CYTH1: variants seen among roughly 807,000 people sequenced by gnomAD.
CYTH1 encodes cytohesin-1.
CYTH1 carries 18 observed loss-of-function variants against 61.8 expected under a neutral mutation model. That is an observed-to-expected ratio of 0.29 (90% CI 0.20 to 0.43). The LOEUF (loss-of-function observed/expected upper bound fraction) is 0.43, where lower values mean the gene tolerates loss of function less well. Ranked by LOEUF, CYTH1 falls within the 20% of genes least tolerant of loss-of-function variation. The pLI, the probability that CYTH1 is intolerant of heterozygous loss-of-function variation, is 1.00. For synonymous variants in CYTH1, 174 were observed against 184.3 expected, an observed-to-expected ratio of 0.94 and a Z score of 0.45; for missense variants, 336 against 510.5, an observed-to-expected ratio of 0.66 and a Z score of 3.29.
In CYTH1 at chr17:78,760,384, T is replaced by TATATAC. The variant is rs751494741; in HGVS notation, c.22+21817_22+21818insGTATAT. On this transcript the variant is annotated intron_variant, in intron 1 of 13. Transcript: ENST00000446868. ...ATATATATATATATATATATATATA[T>TATATAC]ACACACACATACATATATATATGTG... Among the ~76,000 whole-genome samples the TATATAC allele has an allele frequency of 2.6e-3, 133 of 51,384 alleles. 9 individuals are homozygous for TATATAC. Among genetic ancestry groups the TATATAC allele is most frequent in the African/African-American group, 7.6e-3 (96 of 12,598 alleles). 33.7% of individuals were successfully genotyped at this position (51,384 alleles called of 152,430 possible).
intron 1 of CYTH1, among the ~76,000 whole-genome samples, chr17:78,710,195 G>A (rs956268079): frequency 2.6e-5 from 4 of 152,122 alleles, no homozygotes; most frequent in African/African-American, 4.8e-5. Flanking sequence ...CAACGTGTAC[G>A]AACAATTTTG....
chr17:78,688,162 A>G (rs2144117106), intron 11 of CYTH1, among the ~76,000 whole-genome samples: 1 of 152,342 alleles, frequency 6.6e-6, no homozygotes, highest in Admixed American at 6.5e-5. Context: ...TGACCTGAGT[A>G]GTGAAACCAG....
rs897185494 is a variant in CYTH1 at position 78,779,262 on chromosome 17, T to C, written c.22+2940A>G. ...CTAAAAATACAAAATTAGCCAGGCG[T>C]GGTGGCGCATGCCTGTAATCCCAGC... On this transcript the variant is annotated intron_variant, in intron 1 of 13. Coordinates refer to ENST00000446868, the MANE Select transcript of CYTH1 (RefSeq NM_004762.6). Among the ~76,000 whole-genome samples the C allele has an allele frequency of 1.7e-4, 26 of 151,560 alleles. 1 individual carries two copies. The highest frequency in any genetic ancestry group is 2.4e-5 in the African/African-American group (1 of 41,230).
chr17:78,715,045 CA>C (rs1438780428), intron 1 of CYTH1, among the ~76,000 whole-genome samples: 2 of 152,020 alleles, frequency 1.3e-5, no homozygotes, highest in Non-Finnish European at 2.9e-5. Context: ...AAAATATAAG[CA>C]AACCTGGAAA....
chr17:78,779,376 GGCA>G (rs2093506955), intron 1 of CYTH1, among the ~76,000 whole-genome samples: 1 of 139,874 alleles, frequency 7.1e-6, no homozygotes, highest in South Asian at 2.3e-4. Context: ...CTCCAGCCTG[GGCA>G]ACAAGAGTGA....
intron 10 of CYTH1, among the ~76,000 whole-genome samples, chr17:78,693,104 C>T (rs2092905279): frequency 6.6e-6 from 1 of 152,192 alleles, no homozygotes; most frequent in Non-Finnish European, 1.5e-5. Flanking sequence ...AAAACAAAAT[C>T]TCCCGGGTCC....
chr17:78,768,189 T>C (rs1392804076), intron 1 of CYTH1, among the ~76,000 whole-genome samples: 2 of 152,162 alleles, frequency 1.3e-5, no homozygotes, highest in Non-Finnish European at 2.9e-5. Flanking sequence ...CTGCCCTCTC[T>C]CTCTTTCCAT....
At position 78,698,985 on chromosome 17, in the gene CYTH1, A is replaced by C; in HGVS notation, c.551-17T>G. ...AACAAGTATCTAAAGATGAGAGAAA[A>C]GCAAAGGGGAGCCGTTGCATGCTCA... On this transcript the variant is annotated splice_polypyrimidine_tract_variant and intron_variant, in intron 7 of 13. Coordinates refer to ENST00000446868, the MANE Select transcript of CYTH1 (RefSeq NM_004762.6). 1 of 1,607,734 alleles carries C rather than the reference A, an allele frequency of 6.2e-7. No individual in the cohort carries two copies. Among genetic ancestry groups the C allele is most frequent in the Non-Finnish European group, 8.5e-7 (1 of 1,177,994 alleles).
At chr17:78,753,211 G>C (rs964412834) in intron 1 of CYTH1, among the ~76,000 whole-genome samples, 47 of 152,274 alleles carry the variant, frequency 3.1e-4, no homozygotes, top group African/African-American at 1.1e-3. Context: ...TTCAATCCTA[G>C]CACGTTGGGA....
At chr17:78,734,228 C>T (rs1306344721) in intron 1 of CYTH1, among the ~76,000 whole-genome samples, 5 of 149,344 alleles carry the variant, frequency 3.3e-5, no homozygotes, top group Admixed American at 1.3e-4. Context: ...GGCAACAGAG[C>T]GAGACTCTGT....
At chr17:78,681,679 A>G (rs11650480) in intron 11 of CYTH1, among the ~76,000 whole-genome samples, 32,156 of 151,990 alleles carry the variant, frequency 0.21, 3,467 homozygotes, top group South Asian at 0.26. Context: ...GCAGTTTCAC[A>G]GTCCCCTGAT....
intron 1 of CYTH1, among the ~76,000 whole-genome samples, chr17:78,765,194 G>A (rs2093443705): frequency 6.6e-6 from 1 of 152,080 alleles, no homozygotes; most frequent in Admixed American, 6.5e-5. Flanking sequence ...CAAGGAACAG[G>A]AGCAGGATCA....
chr17:78,745,515 G>T (rs1374530296), intron 1 of CYTH1, among the ~76,000 whole-genome samples: 1 of 152,162 alleles, frequency 6.6e-6, no homozygotes, highest in African/African-American at 2.4e-5. Context: ...CAAAAATACT[G>T]AATGTCATAA....
At chr17:78,705,087 T>C (rs2093051875) in intron 3 of CYTH1, among the ~76,000 whole-genome samples, 1 of 152,196 alleles carries the variant, frequency 6.6e-6, no homozygotes, top group South Asian at 2.1e-4. Context: ...AAGGAAGGCC[T>C]GTTTCATGGT....
chr17:78,734,165 G>A (rs1403359697), intron 1 of CYTH1, among the ~76,000 whole-genome samples: 1 of 151,622 alleles, frequency 6.6e-6, no homozygotes, highest in Non-Finnish European at 1.5e-5. Flanking sequence ...CAGGAGAATC[G>A]CTTGAACCCA....
At chr17:78,759,488 G>A (rs1454010561) in intron 1 of CYTH1, among the ~76,000 whole-genome samples, 3 of 152,130 alleles carry the variant, frequency 2.0e-5, no homozygotes, top group African/African-American at 4.8e-5. Flanking sequence ...TCTCTTAAAA[G>A]GAACAAAACA....
At chr17:78,712,798 A>G (rs1227317213) in intron 1 of CYTH1, among the ~76,000 whole-genome samples, 1 of 152,162 alleles carries the variant, frequency 6.6e-6, no homozygotes, top group African/African-American at 2.4e-5. Context: ...CAGCCACTCT[A>G]AAGATCCCAA....
intron 1 of CYTH1, among the ~76,000 whole-genome samples, chr17:78,719,780 GACT>G (rs1272553492): frequency 6.6e-6 from 1 of 152,210 alleles, no homozygotes; most frequent in Non-Finnish European, 1.5e-5. Flanking sequence ...AAAGGGGTGT[GACT>G]AGAGCAGGAG....
At chr17:78,741,567 C>T (rs1359755684) in intron 1 of CYTH1, among the ~76,000 whole-genome samples, 3 of 152,042 alleles carry the variant, frequency 2.0e-5, no homozygotes, top group Non-Finnish European at 2.9e-5. Flanking sequence ...AGAGAGGACA[C>T]CAAGGAGTAA....
Sources: allele counts gnomAD v4.1 joint callset (sites outside exome capture counted in the v4.1 genomes callset), GRCh38; gene constraint gnomAD v4.1.1; transcripts MANE v1.5; gene names NCBI Gene and HGNC (gene_info 2026-07-23, HGNC 2026-07-21).